Variants in PVT1 observed in about 807,000 individuals in gnomAD.
PVT1 encodes the protein CXCR4/PVT1 fusion.
intron 2 of PVT1, among the ~76,000 whole-genome samples, chr8:127,846,703 G>A (rs1292236936): frequency 6.6e-6 from 1 of 151,592 alleles, no homozygotes; most frequent in Non-Finnish European, 1.5e-5. Flanking sequence ...CTTTTTTTTT[G>A]AGATGTTGCC....
At chr8:127,848,017 A>G (rs996052616) in intron 2 of PVT1, among the ~76,000 whole-genome samples, 1 of 152,064 alleles carries the variant, frequency 6.6e-6, no homozygotes, top group African/African-American at 2.4e-5. Flanking sequence ...TTGATTGCGT[A>G]TCTTTGGGTA....
intron 2 of PVT1, among the ~76,000 whole-genome samples, chr8:127,841,816 C>T (rs939931991): frequency 6.6e-6 from 1 of 151,998 alleles, no homozygotes; most frequent in South Asian, 2.1e-4. Flanking sequence ...ACCTCTGCCT[C>T]CCAGGTTCAA....
At chr8:127,870,477 C>T (rs182877682) in intron 2 of PVT1, among the ~76,000 whole-genome samples, 1 of 152,254 alleles carries the variant, frequency 6.6e-6, no homozygotes, top group Admixed American at 6.5e-5. Flanking sequence ...TTATGGCTGC[C>T]CTCAGAAACT....
intron 2 of PVT1, among the ~76,000 whole-genome samples, chr8:127,867,329 C>T (rs1443294325): frequency 6.6e-6 from 1 of 152,228 alleles, no homozygotes; most frequent in Non-Finnish European, 1.5e-5. Flanking sequence ...GACCCATCAG[C>T]TCCTCTGCCT....
intron 5 of PVT1, among the ~76,000 whole-genome samples, chr8:128,081,387 A>G (rs1814175192): frequency 1.3e-5 from 2 of 152,166 alleles, no homozygotes. Flanking sequence ...GAGGAAATCT[A>G]CTCATTTGGG....
intron 5 of PVT1, among the ~76,000 whole-genome samples, chr8:128,092,520 G>A (rs1217687253): frequency 1.3e-5 from 2 of 152,230 alleles, no homozygotes; most frequent in Non-Finnish European, 2.9e-5. Context: ...GCTTGCTGGG[G>A]ACACATACGT....
In PVT1 at chr8:128,035,238, G is replaced by C. The variant is rs895798766; in HGVS notation, n.913-34922G>C. ...GCATGAGAGGAGCTGCCTGCTGCTT[G>C]TGGGCCTGCTATTTAGGCTGCAATA... is the stretch of plus-strand genomic sequence containing the variant. On this transcript the variant is annotated intron_variant and non_coding_transcript_variant, in intron 4 of 10. Coordinates refer to ENST00000651587, the Ensembl canonical transcript of PVT1. 5.9e-5 allele frequency among the ~76,000 whole-genome samples: 9 copies of C among 152,190 alleles called. 1 individual carries two copies. The highest frequency in any genetic ancestry group is 2.2e-4 in the African/African-American group (9 of 41,450).
chr8:127,966,913 G>A (rs774286966), intron 3 of PVT1, among the ~76,000 whole-genome samples: 4 of 152,080 alleles, frequency 2.6e-5, no homozygotes, highest in Admixed American at 6.5e-5. Context: ...TTGATGTGCC[G>A]AGACTCCATG....
At chr8:127,846,878 G>A (rs1312016536) in intron 2 of PVT1, among the ~76,000 whole-genome samples, 1 of 149,142 alleles carries the variant, frequency 6.7e-6, no homozygotes, top group Non-Finnish European at 1.5e-5. Context: ...ATGGGGTTTC[G>A]CCATTTGGGA....
chr8:127,802,380 A>AT (rs1814474952), intron 2 of PVT1, among the ~76,000 whole-genome samples: 2 of 150,974 alleles, frequency 1.3e-5, no homozygotes, highest in African/African-American at 2.4e-5. Flanking sequence ...CGCCCAGCTA[A>AT]TTTTTTTGTA....
At chr8:127,867,421 G>A (rs1423362206) in intron 2 of PVT1, among the ~76,000 whole-genome samples, 4 of 152,228 alleles carry the variant, frequency 2.6e-5, no homozygotes, top group Non-Finnish European at 5.9e-5. Context: ...TGATCTTGAT[G>A]TGCACATTCC....
rs552718093 is a variant in PVT1 at position 127,996,235 on chromosome 8, G to T, written n.912+6944G>T. ...ACCTCCACCCAGCATCCAGGCCTCT[G>T]GTTCTCTCCCTCCTTCCCAGGTATA... On this transcript the variant is annotated intron_variant and non_coding_transcript_variant, in intron 4 of 10. Coordinates refer to ENST00000651587, the Ensembl canonical transcript of PVT1. Among the ~76,000 whole-genome samples the T allele has an allele frequency of 7.2e-5, 11 of 152,136 alleles. No homozygotes were observed. The South Asian group carries it at 2.1e-3, about 29-fold the overall frequency.
intron 3 of PVT1, among the ~76,000 whole-genome samples, chr8:127,896,293 G>C (rs903686439): frequency 6.6e-6 from 1 of 152,118 alleles, no homozygotes; most frequent in Non-Finnish European, 1.5e-5. Flanking sequence ...CTCGGTGACA[G>C]TTTTGGGAAG....
chr8:127,855,914 C>T (rs1815155366), intron 2 of PVT1, among the ~76,000 whole-genome samples: 1 of 152,222 alleles, frequency 6.6e-6, no homozygotes, highest in Admixed American at 6.5e-5. Flanking sequence ...AGCAGCGTCC[C>T]CTGGTCATGC....
chr8:127,922,236 G>C (rs1816069817), intron 3 of PVT1, among the ~76,000 whole-genome samples: 1 of 150,980 alleles, frequency 6.6e-6, no homozygotes, highest in African/African-American at 2.4e-5. Flanking sequence ...TACTAATAAA[G>C]TCATTTTTAT....
chr8:127,991,973 G>A (rs778663777), intron 4 of PVT1, among the ~76,000 whole-genome samples: 11 of 151,978 alleles, frequency 7.2e-5, no homozygotes, highest in South Asian at 4.2e-4. Context: ...CCAGGAACAC[G>A]GAGTCAGACA....
intron 2 of PVT1, among the ~76,000 whole-genome samples, chr8:127,812,632 G>A (rs1359243005): frequency 6.8e-6 from 1 of 148,068 alleles, no homozygotes; most frequent in African/African-American, 2.5e-5. Context: ...GAGAGAGGAA[G>A]GAAGGAAGGA....
chr8:127,984,843 T>TTTCTTTCTTTCTC (rs1816927730), intron 3 of PVT1, among the ~76,000 whole-genome samples: 1 of 17,262 alleles, frequency 5.8e-5, no homozygotes, highest in East Asian at 1.6e-3. Context: ...TTTCTTTTCT[T>TTTCTTTCTTTCTC]TCTTTCTTTC....
In PVT1 at chr8:127,872,918, C is replaced by A. The variant is rs190376366; in HGVS notation, n.373-17671C>A. 7.9e-5 allele frequency among the ~76,000 whole-genome samples: 12 copies of A among 152,320 alleles called. No individual in the cohort carries two copies. The East Asian group carries it at 2.3e-3, about 29-fold the overall frequency. ...CCCTTGCTTCAGATCTTCTAGGAAT[C>A]CAGATACATTAAAGCAAAGTGACGG... On this transcript the variant is annotated intron_variant and non_coding_transcript_variant, in intron 2 of 10. Coordinates refer to ENST00000651587, the Ensembl canonical transcript of PVT1.
Sources: allele counts gnomAD v4.1 joint callset (sites outside exome capture counted in the v4.1 genomes callset), GRCh38; gene constraint gnomAD v4.1.1; transcripts MANE v1.5; gene names NCBI Gene and HGNC (gene_info 2026-07-23, HGNC 2026-07-21).